The following PCSK6 variants were observed in gnomAD, a reference collection of about 807,000 sequenced individuals.
The protein encoded by PCSK6 is paired basic amino acid cleaving enzyme 4.
PCSK6 carries 85 observed loss-of-function variants against 123.3 expected under a neutral mutation model. The ratio of observed to expected loss-of-function variants is 0.69; its 90% CI spans 0.58 to 0.83. PCSK6 has a LOEUF of 0.83. Ranked by LOEUF, PCSK6 falls within the 40% of genes least tolerant of loss-of-function variation. The pLI is 0.00. For synonymous variants in PCSK6, 508 were observed against 516.0 expected (o/e 0.98, Z 0.21); for missense variants, 1,191 against 1,282.3 (o/e 0.93, Z 1.09).
At chr15:101,483,455 C>T (rs1345177358) in intron 1 of PCSK6, among the ~76,000 whole-genome samples, 1 of 152,152 alleles carries the variant, frequency 6.6e-6, no homozygotes, top group Non-Finnish European at 1.5e-5. Context: ...CTTTTAGGGC[C>T]CTGGCAGCCA....
intron 2 of PCSK6, among the ~76,000 whole-genome samples, chr15:101,432,775 T>A (rs1244387031): frequency 6.6e-6 from 1 of 152,114 alleles, no homozygotes; most frequent in Non-Finnish European, 1.5e-5. Context: ...AATACACACA[T>A]GGGAAAGCAG....
chr15:101,467,975 G>C (rs2057506903), intron 1 of PCSK6, among the ~76,000 whole-genome samples: 1 of 152,156 alleles, frequency 6.6e-6, no homozygotes, highest in African/African-American at 2.4e-5. Context: ...TGGCTTCACA[G>C]GTTCTATTGT....
intron 7 of PCSK6, among the ~76,000 whole-genome samples, chr15:101,396,569 C>T (rs1027795706): frequency 2.0e-5 from 3 of 151,998 alleles, no homozygotes; most frequent in Non-Finnish European, 2.9e-5. Context: ...GTCATCAAGA[C>T]TGAGATCCAA....
rs74032467 is a variant in PCSK6 at position 101,368,353 on chromosome 15, A to T, written c.1721+1982T>A. Among the ~76,000 whole-genome samples, 1,399 of 152,332 alleles carry T rather than the reference A, an allele frequency of 9.2e-3. 22 individuals are homozygous for T. Among genetic ancestry groups the T allele is most frequent in the African/African-American group, 0.031 (1,290 of 41,564 alleles). ...GTAGCCGGACGTAAGCAGGACACGTAGGGCAACCAGGCCCCTGTGCCAGGG... is the reference window on the plus strand; with the variant it reads ...GTAGCCGGACGTAAGCAGGACACGTTGGGCAACCAGGCCCCTGTGCCAGGG... On this transcript the variant is annotated intron_variant, in intron 12 of 21. Transcript: ENST00000611716.
At chr15:101,395,473 G>A (rs2042381855) in intron 7 of PCSK6, among the ~76,000 whole-genome samples, 1 of 152,184 alleles carries the variant, frequency 6.6e-6, no homozygotes, top group Non-Finnish European at 1.5e-5. Flanking sequence ...ATCCTCATAG[G>A]CATCAAGGTA....
chr15:101,454,418 C>T (rs2057119851), intron 1 of PCSK6, among the ~76,000 whole-genome samples: 1 of 152,108 alleles, frequency 6.6e-6, no homozygotes, highest in East Asian at 1.9e-4. Flanking sequence ...CTGGCAGGGA[C>T]ACACGATGGA....
intron 6 of PCSK6, among the ~76,000 whole-genome samples, chr15:101,414,337 A>T (rs1342048100): frequency 1.3e-5 from 2 of 152,206 alleles, no homozygotes; most frequent in Admixed American, 6.5e-5. Context: ...AAAATCTAGT[A>T]AAATAAAAAA....
intron 6 of PCSK6, among the ~76,000 whole-genome samples, chr15:101,409,098 G>A (rs561688471): frequency 1.1e-4 from 16 of 152,228 alleles, no homozygotes; most frequent in Non-Finnish European, 2.1e-4. Context: ...CCTTGCTGCA[G>A]GCCCCAAATG....
intron 20 of PCSK6, chr15:101,312,502 AGG>A (rs987591957): frequency 1.4e-5 from 2 of 141,900 alleles, no homozygotes; most frequent in Non-Finnish European, 3.0e-5. Context: ...GGAAATTGTC[AGG>A]ATCTTTTTAA....
intron 12 of PCSK6, among the ~76,000 whole-genome samples, chr15:101,367,489 A>G (rs1481599388): frequency 6.6e-6 from 1 of 152,172 alleles, no homozygotes; most frequent in East Asian, 1.9e-4. Context: ...TGCAATGGAG[A>G]AGAGTGAGGG....
At chr15:101,342,621 G>A (rs1041072463) in intron 13 of PCSK6, among the ~76,000 whole-genome samples, 2 of 152,224 alleles carry the variant, frequency 1.3e-5, no homozygotes, top group African/African-American at 4.8e-5. Flanking sequence ...ACTGGCTTCA[G>A]CTGGGCACGG....
intron 5 of PCSK6, among the ~76,000 whole-genome samples, chr15:101,429,730 C>T (rs946688907): frequency 2.6e-5 from 4 of 152,218 alleles, no homozygotes; most frequent in African/African-American, 4.8e-5. Context: ...GAAACAGGAA[C>T]GATGTCTGTC....
intron 2 of PCSK6, among the ~76,000 whole-genome samples, chr15:101,439,449 C>T (rs1197346022): frequency 6.6e-6 from 1 of 152,248 alleles, no homozygotes; most frequent in Non-Finnish European, 1.5e-5. Flanking sequence ...GAACAGCCAA[C>T]TTGTCACTGT....
At chr15:101,438,822 G>A (rs1256760393) in intron 2 of PCSK6, among the ~76,000 whole-genome samples, 1 of 152,240 alleles carries the variant, frequency 6.6e-6, no homozygotes, top group Non-Finnish European at 1.5e-5. Flanking sequence ...ACGACTGCTA[G>A]AAGAGCAGGC....
At chr15:101,432,251 C>T (rs2056469250) in intron 2 of PCSK6, among the ~76,000 whole-genome samples, 151 bp from the exon 3 acceptor site, 1 of 152,108 alleles carries the variant, frequency 6.6e-6, no homozygotes, top group Admixed American at 6.5e-5. Flanking sequence ...ATTTTCACTT[C>T]AAAGTGACTA....
chr15:101,317,814 T>G (rs1364198308), intron 19 of PCSK6, among the ~76,000 whole-genome samples: 4 of 152,206 alleles, frequency 2.6e-5, no homozygotes, highest in Admixed American at 6.5e-5. Flanking sequence ...TGTTTTGGGA[T>G]TTTGTTTCAA....
chr15:101,462,160 A>C (rs1596360344), intron 1 of PCSK6, among the ~76,000 whole-genome samples: 1 of 152,218 alleles, frequency 6.6e-6, no homozygotes, highest in East Asian at 1.9e-4. Flanking sequence ...TAGATGTGAG[A>C]CCAATCTAAA....
At chr15:101,307,976 A>G (rs1490368396) in intron 20 of PCSK6, 1 of 152,400 alleles carries the variant, frequency 6.6e-6, no homozygotes, top group Non-Finnish European at 1.5e-5. Flanking sequence ...GGCCACATCC[A>G]GCATTTATCC....
chr15:101,468,381 T>C (rs1366986423), intron 1 of PCSK6, among the ~76,000 whole-genome samples: 1 of 152,212 alleles, frequency 6.6e-6, no homozygotes, highest in African/African-American at 2.4e-5. Context: ...GCCACTATCA[T>C]CTACTTTTTG....
Sources: gnomAD v4.1 joint callset for allele counts (sites outside exome capture counted in the v4.1 genomes callset) on GRCh38, gnomAD v4.1.1 for gene constraint, MANE v1.5 for transcripts, NCBI Gene and HGNC (gene_info 2026-07-23, HGNC 2026-07-21) for gene names.